The following MRPS35 variants were observed in gnomAD, a reference collection of about 807,000 sequenced individuals.
MRPS35 encodes the protein small ribosomal subunit protein mS35.
MRPS35 carries 29 observed loss-of-function variants against 32.7 expected under a neutral mutation model. The ratio of observed to expected loss-of-function variants is 0.89; its 90% CI spans 0.66 to 1.21. The LOEUF is 1.21. MRPS35 is among the 50% of genes most tolerant of loss of function. The pLI is 0.00. For synonymous variants in MRPS35, 148 were observed against 139.3 expected (o/e 1.06, Z -0.44); for missense variants, 373 against 383.8 (o/e 0.97, Z 0.23).
At chr12:27,728,646 A>G (rs1358773021) in intron 5 of MRPS35, among the ~76,000 whole-genome samples, 1 of 152,110 alleles carries the variant, frequency 6.6e-6, no homozygotes, top group Non-Finnish European at 1.5e-5. Context: ...GAATCCCGCC[A>G]AAGACCATTG....
Position 27,755,592 on chromosome 12 carries a change from T to C in MRPS35, c.*142T>C. 1 of 703,986 alleles carries C rather than the reference T, an allele frequency of 1.4e-6. No homozygotes were observed. Among genetic ancestry groups the C allele is most frequent in the Non-Finnish European group, 2.1e-6 (1 of 466,874 alleles). The allele number at this position is 703,986 out of a possible 1,614,324, so 43.6% of individuals were successfully genotyped here. On this transcript the variant is annotated 3_prime_UTR_variant, in exon 8 of 8. Transcript: ENST00000081029. ...TTATTTCCCTCATACTAATGCTTAA[T>C]GGCAATGATTACTCCAGAGTTTTTT... is the stretch of plus-strand genomic sequence containing the variant.
At chr12:27,732,805 G>A (rs977932204) in intron 5 of MRPS35, among the ~76,000 whole-genome samples, 2 of 151,922 alleles carry the variant, frequency 1.3e-5, no homozygotes, top group Non-Finnish European at 2.9e-5. Flanking sequence ...TCTCAGGGAG[G>A]TAACATGATT....
chr12:27,752,971 A>C (rs995660697), intron 7 of MRPS35: 1 of 152,110 alleles, frequency 6.6e-6, no homozygotes, highest in South Asian at 2.1e-4. Flanking sequence ...CGTTCTCACT[A>C]CTCGACTAGC....
At chr12:27,750,096 A>T (rs1369001957) in intron 7 of MRPS35, among the ~76,000 whole-genome samples, 1 of 152,258 alleles carries the variant, frequency 6.6e-6, no homozygotes, top group Admixed American at 6.5e-5. Flanking sequence ...ACCTGAATAG[A>T]TGAGAGGCTA....
chr12:27,712,848 C>T (rs1044797337), intron 1 of MRPS35, among the ~76,000 whole-genome samples: 1 of 152,136 alleles, frequency 6.6e-6, no homozygotes. Flanking sequence ...GGAACCTCGT[C>T]TCTATTGAAA....
At chr12:27,733,174 A>C (rs1234034202) in intron 5 of MRPS35, among the ~76,000 whole-genome samples, 1 of 152,062 alleles carries the variant, frequency 6.6e-6, no homozygotes, top group African/African-American at 2.4e-5. Context: ...AAGACAGTGA[A>C]TGCCACTCAG....
chr12:27,753,434 T>C (rs1300636053), intron 7 of MRPS35, among the ~76,000 whole-genome samples: 1 of 152,118 alleles, frequency 6.6e-6, no homozygotes, highest in Non-Finnish European at 1.5e-5. Flanking sequence ...CAATGCTTTC[T>C]TTTCTTTTCA....
At chr12:27,719,417 A>C (rs1418983220) in intron 3 of MRPS35, among the ~76,000 whole-genome samples, 4 of 152,218 alleles carry the variant, frequency 2.6e-5, no homozygotes, top group Non-Finnish European at 5.9e-5. Flanking sequence ...CTGTAATCCC[A>C]GCACTTTGGG....
rs919256741 is a variant in MRPS35, at chr12:27,755,177, T to C, written c.703-4T>C. On this transcript the variant is annotated splice_region_variant and splice_polypyrimidine_tract_variant and intron_variant, in intron 7 of 7. Transcript: ENST00000081029. ...TCATTTTTTTTTGTTTTGTTTTGTT[T>C]CAGAATACTGAAGAATGGGAAAAAA... The C allele has an allele frequency of 1.0e-5, 15 of 1,506,498 alleles. No homozygotes were observed. The highest frequency in any genetic ancestry group is 1.3e-5 in the Non-Finnish European group (15 of 1,132,976). The allele number at this position is 1,506,498 out of a possible 1,614,324, so 93.3% of individuals were successfully genotyped here. A position where few individuals can be genotyped will look rare whatever the true frequency, so the allele number is the denominator to read the frequency against.
At chr12:27,750,611 T>C (rs908960311) in intron 7 of MRPS35, among the ~76,000 whole-genome samples, 4 of 151,386 alleles carry the variant, frequency 2.6e-5, no homozygotes, top group Admixed American at 6.6e-5. Context: ...GAGAACAGCC[T>C]GGGCAACATG....
chr12:27,727,382 A>G (rs1223946768), intron 5 of MRPS35, among the ~76,000 whole-genome samples: 1 of 152,108 alleles, frequency 6.6e-6, no homozygotes, highest in Non-Finnish European at 1.5e-5. Context: ...TTTTCACTGC[A>G]CTTTTTCTAT....
chr12:27,741,274 C>T (rs1166160267), intron 7 of MRPS35, among the ~76,000 whole-genome samples: 1 of 152,026 alleles, frequency 6.6e-6, no homozygotes, highest in African/African-American at 2.4e-5. Context: ...AATTTTTAAC[C>T]TTTGGAGCCA....
intron 7 of MRPS35, 144 bp from the exon 8 acceptor site, chr12:27,755,037 G>C (rs1335700139): frequency 2.2e-6 from 2 of 893,764 alleles, no homozygotes; most frequent in East Asian, 5.5e-5. Flanking sequence ...CAAGGTGTTG[G>C]CCAGGGCCTC....
chr12:27,755,157 T>A, intron 7 of MRPS35, 24 bp from the exon 8 acceptor site: 1 of 1,492,230 alleles, frequency 6.7e-7, no homozygotes, highest in Middle Eastern at 1.8e-4. Context: ...AGAACTCATT[T>A]TTTTTTGTTT....
chr12:27,716,961 A>C (rs1054635604), intron 3 of MRPS35, among the ~76,000 whole-genome samples: 2 of 152,120 alleles, frequency 1.3e-5, no homozygotes, highest in Non-Finnish European at 2.9e-5. Flanking sequence ...ACTGCACTCC[A>C]GCCTGGGCGA....
chr12:27,738,900 G>C (rs2061952893), intron 7 of MRPS35, among the ~76,000 whole-genome samples: 1 of 151,244 alleles, frequency 6.6e-6, no homozygotes, highest in South Asian at 2.1e-4. Flanking sequence ...GACAGACTTT[G>C]GTTTACTGAG....
chr12:27,719,800 T>C lies in MRPS35; in HGVS notation c.322-8T>C. Reference sequence around the variant, plus strand: ...AGCTAATTTATCTTTTAAATTTCTCTATTTAAGATTCCCAATTTTCTGCAT... The same window carrying C: ...AGCTAATTTATCTTTTAAATTTCTCCATTTAAGATTCCCAATTTTCTGCAT... On this transcript the variant is annotated splice_region_variant and splice_polypyrimidine_tract_variant and intron_variant, in intron 3 of 7. Transcript: ENST00000081029. 1 of 1,564,000 alleles carries C rather than the reference T, an allele frequency of 6.4e-7. No homozygotes were observed. Among genetic ancestry groups the C allele is most frequent in the Non-Finnish European group, 8.8e-7 (1 of 1,138,232 alleles).
intron 7 of MRPS35, among the ~76,000 whole-genome samples, chr12:27,739,237 C>G (rs1173887737): frequency 7.9e-5 from 12 of 152,316 alleles, no homozygotes; most frequent in Admixed American, 7.8e-4. Context: ...TCATAAGATG[C>G]AATGAGCTAC....
At chr12:27,723,012 G>T (rs528866713) in intron 4 of MRPS35, among the ~76,000 whole-genome samples, 1 of 152,300 alleles carries the variant, frequency 6.6e-6, no homozygotes, top group African/African-American at 2.4e-5. Context: ...ATTATGACCA[G>T]CCTTTTCTGC....
Sources: allele counts gnomAD v4.1 joint callset (sites outside exome capture counted in the v4.1 genomes callset), GRCh38; gene constraint gnomAD v4.1.1; transcripts MANE v1.5; gene names NCBI Gene and HGNC (gene_info 2026-07-23, HGNC 2026-07-21).